HERC1: variants seen among roughly 807,000 people sequenced by gnomAD.
The protein encoded by HERC1 is HECT and RLD domain containing E3 ubiquitin protein ligase family member 1.
HERC1 carries 160 observed loss-of-function variants against 554.3 expected under a neutral mutation model. That is an observed-to-expected ratio of 0.29 (90% confidence interval 0.25 to 0.33). The LOEUF (loss-of-function observed/expected upper bound fraction) is 0.33, where lower values mean the gene tolerates loss of function less well. Among genes scored for constraint, HERC1 ranks in the 10% least tolerant of loss-of-function variants. The probability of loss-of-function intolerance (pLI) is 1.00; values close to 1 mark genes in which losing one functional copy is unlikely to be tolerated. For synonymous variants in HERC1, 2,175 were observed against 2,131.7 expected (o/e 1.02, Z -0.56); for missense variants, 4,919 against 5,918.5 (o/e 0.83, Z 5.54).
intron 76 of HERC1, among the ~76,000 whole-genome samples, chr15:63,613,774 A>C (rs769345233): frequency 1.3e-5 from 2 of 152,140 alleles, no homozygotes; most frequent in Non-Finnish European, 2.9e-5. Flanking sequence ...TCAAAGCTGC[A>C]GTGAGTGCCA....
chr15:63,663,516 C>T (rs571368827), intron 43 of HERC1, among the ~76,000 whole-genome samples: 2 of 152,334 alleles, frequency 1.3e-5, no homozygotes, highest in South Asian at 4.1e-4. Context: ...AGTGCAATGG[C>T]ACAATCCCAG....
chr15:63,823,039 T>C (rs1484691260), intron 1 of HERC1, among the ~76,000 whole-genome samples: 1 of 152,208 alleles, frequency 6.6e-6, no homozygotes, highest in African/African-American at 2.4e-5. Context: ...GTCTATTAGA[T>C]AGTTTGTTAT....
intron 19 of HERC1, among the ~76,000 whole-genome samples, chr15:63,721,569 GT>G (rs2073822839): frequency 6.6e-6 from 1 of 151,924 alleles, no homozygotes; most frequent in African/African-American, 2.4e-5. Flanking sequence ...ACATTCAAAG[GT>G]GTCATCTTAT....
intron 1 of HERC1, among the ~76,000 whole-genome samples, chr15:63,813,344 AC>A (rs1240137762): frequency 2.6e-5 from 4 of 151,746 alleles, no homozygotes; most frequent in Admixed American, 2.6e-4. Flanking sequence ...ACACACACAC[AC>A]ACACAAACTC....
At chr15:63,823,361 T>A (rs1241385215) in intron 1 of HERC1, among the ~76,000 whole-genome samples, 1 of 152,224 alleles carries the variant, frequency 6.6e-6, no homozygotes. Context: ...TAAATACAGA[T>A]GTAGAAGATT....
intron 11 of HERC1, 45 bp from the exon 12 acceptor site, chr15:63,747,128 C>T (rs909747038): frequency 3.3e-6 from 5 of 1,532,770 alleles, no homozygotes; most frequent in Non-Finnish European, 4.4e-6. Flanking sequence ...CATAAAAGTG[C>T]CTGTGCTATC....
intron 1 of HERC1, among the ~76,000 whole-genome samples, chr15:63,795,700 G>T (rs1185739035): frequency 6.6e-6 from 1 of 152,114 alleles, no homozygotes; most frequent in African/African-American, 2.4e-5. Flanking sequence ...GGGTATACTC[G>T]CCAGCAGTTC....
chr15:63,775,484 A>AC lies in HERC1; in HGVS notation c.139dup (p.Val47GlyfsTer20). On this transcript the variant is annotated frameshift_variant, in exon 2 of 78. Transcript: ENST00000443617. LOFTEE classifies it high-confidence loss of function. The surrounding 1 kb of genome is among the most constrained non-coding windows in gnomAD (Gnocchi z 4.0). Reference sequence around the variant, plus strand: ...TAAAACTTGTTGGGGCAAAGGTACTACTTCCTTATTGCTAACCAGTTTAGA... The same window carrying AC: ...TAAAACTTGTTGGGGCAAAGGTACTACCTTCCTTATTGCTAACCAGTTTAGA... 6.2e-7 allele frequency: 1 copy of AC among 1,613,986 alleles called. No individual in the cohort carries two copies.
chr15:63,671,819 A>G (rs1384487140), intron 39 of HERC1, among the ~76,000 whole-genome samples: 1 of 152,204 alleles, frequency 6.6e-6, no homozygotes, highest in Non-Finnish European at 1.5e-5. Flanking sequence ...GGGAAAGAAG[A>G]AAAAGGGAGG....
chr15:63,633,145 C>T (rs1260950660), intron 67 of HERC1, among the ~76,000 whole-genome samples: 1 of 152,216 alleles, frequency 6.6e-6, no homozygotes, highest in East Asian at 1.9e-4. Flanking sequence ...AACATTTTAG[C>T]TTTTATGGGC....
chr15:63,777,304 T>C (rs2143006671), intron 1 of HERC1, among the ~76,000 whole-genome samples: 1 of 152,356 alleles, frequency 6.6e-6, no homozygotes, highest in African/African-American at 2.4e-5. Context: ...ACTTGTAAAG[T>C]ATGCACTTAA....
chr15:63,833,429 C>A (rs1371955398), intron 1 of HERC1, among the ~76,000 whole-genome samples: 3 of 152,130 alleles, frequency 2.0e-5, no homozygotes, highest in Non-Finnish European at 4.4e-5. Context: ...CGAGCCCCAG[C>A]CGGGGCAGAG....
intron 40 of HERC1, 50 bp from the exon 41 acceptor site, chr15:63,666,522 G>T: frequency 8.4e-7 from 1 of 1,192,290 alleles, no homozygotes; most frequent in South Asian, 1.3e-5. Flanking sequence ...TAGATACCGT[G>T]AGTAAAAAGT....
intron 1 of HERC1, among the ~76,000 whole-genome samples, chr15:63,817,512 C>A (rs2077532158): frequency 6.6e-6 from 1 of 152,056 alleles, no homozygotes; most frequent in Non-Finnish European, 1.5e-5. Context: ...GCAAGGAGTT[C>A]GAGACCAACC....
intron 33 of HERC1, among the ~76,000 whole-genome samples, chr15:63,688,823 T>A (rs1467652623): frequency 6.6e-6 from 1 of 152,038 alleles, no homozygotes; most frequent in Non-Finnish European, 1.5e-5. Flanking sequence ...TCCCAGGAAT[T>A]TGCGTTTGGG....
chr15:63,774,311 A>C (rs1371362255), intron 2 of HERC1, among the ~76,000 whole-genome samples: 1 of 152,226 alleles, frequency 6.6e-6, no homozygotes. Flanking sequence ...AGTACTTGGC[A>C]TATAGTAAAT....
chr15:63,641,273 G>A (rs79849161), intron 60 of HERC1, among the ~76,000 whole-genome samples, 197 bp downstream of exon 60: 195 of 152,240 alleles, frequency 1.3e-3, no homozygotes, highest in African/African-American at 4.5e-3. Flanking sequence ...ATTTTACTCT[G>A]GTGAAAATAA....
chr15:63,764,156 T>C lies in HERC1; in HGVS notation c.966A>G (p.Pro322=). 6.2e-7 allele frequency: 1 copy of C among 1,611,388 alleles called. No individual in the cohort carries two copies. The highest frequency in any genetic ancestry group is 1.7e-5 in the Admixed American group (1 of 59,646). ...AGCACAAGCCATCCGATGTTCTGGT[T>C]GGTTCTCTCCACTGACTCCGATCAG... ...SSADRSQWRE[P]TRTSDGLCSL... The change falls in exon 3 of 78, where the codon CCA becomes CCG. Residue 322 remains proline, a synonymous_variant. Coordinates refer to ENST00000443617, the MANE Select transcript of HERC1 (RefSeq NM_003922.4).
intron 12 of HERC1, among the ~76,000 whole-genome samples, chr15:63,739,301 G>A (rs527608583): frequency 6.7e-6 from 1 of 150,284 alleles, no homozygotes; most frequent in Non-Finnish European, 1.5e-5. Flanking sequence ...AGGTTCAGGC[G>A]ATTCTCCTGC....
Sources: allele counts gnomAD v4.1 joint callset (sites outside exome capture counted in the v4.1 genomes callset), GRCh38; gene constraint gnomAD v4.1.1; non-coding constraint Gnocchi (gnomAD v3.1); transcripts MANE v1.5; gene names NCBI Gene and HGNC (gene_info 2026-07-23, HGNC 2026-07-21).